CD1A: variants seen among roughly 807,000 people sequenced by gnomAD.
CD1A encodes the protein T-cell surface glycoprotein CD1a.
CD1A carries 50 observed loss-of-function variants against 38.3 expected under a neutral mutation model. The observed-to-expected ratio is 1.30, with a 90% CI of 1.04 to 1.65. CD1A has a LOEUF of 1.65. CD1A is among the 40% of genes most tolerant of loss of function. The pLI, the probability that CD1A is intolerant of heterozygous loss-of-function variation, is 0.00. For missense variants in CD1A, 459 were observed against 406.1 expected (o/e 1.13, Z -1.12); for synonymous variants, 160 against 150.8 (o/e 1.06, Z -0.45).
At chr1:158,248,370 G>C in the CD1A span, 1 of 985,174 alleles carries the variant, frequency 1.0e-6, no homozygotes, top group East Asian at 1.1e-4. Flanking sequence ...CAATGGGGAA[G>C]GAAGAATTTA....
chr1:158,252,668 A>AG (rs150838405), upstream of CD1A, among the ~76,000 whole-genome samples: 21,623 of 152,078 alleles, frequency 0.14, 1,672 homozygotes, highest in African/African-American at 0.19. Context: ...GCACTTTGGG[A>AG]GGCTGAGGCA....
At position 158,257,489 on chromosome 1, in the gene CD1A, G is replaced by A. The variant is rs1650300698; in HGVS notation, c.952G>A (p.Ala318Thr). ...IVPLLLLIGL[A>T]LWFRKRCFC ...GCCTTTACTTCTTCTGATAGGTCTT[G>A]CGCTTTGGTTCAGGAAACGCTGGTG... Residue 318 changes from alanine (A) to threonine (T), a missense_variant, in exon 5 of 6, where the codon GCG becomes ACG. By Grantham distance (58) the Ala-to-Thr change is moderately conservative. Coordinates refer to ENST00000289429, the MANE Select transcript of CD1A (RefSeq NM_001763.3). 1 of 1,613,928 alleles carries A rather than the reference G, an allele frequency of 6.2e-7. No homozygotes were observed. Among genetic ancestry groups the A allele is most frequent in the East Asian group, 2.2e-5 (1 of 44,870 alleles).
upstream of CD1A, among the ~76,000 whole-genome samples, chr1:158,253,409 A>T (rs1371166199): frequency 6.6e-6 from 1 of 152,190 alleles, no homozygotes; most frequent in African/African-American, 2.4e-5. Flanking sequence ...AAGTAATAGG[A>T]CATTTATAGC....
chr1:158,252,888 ACT>A, upstream of CD1A, among the ~76,000 whole-genome samples: 1 of 151,784 alleles, frequency 6.6e-6, no homozygotes, highest in African/African-American at 2.4e-5. Flanking sequence ...ACAGAGTGAG[ACT>A]CTGTCTCAAA....
upstream of CD1A, among the ~76,000 whole-genome samples, chr1:158,253,914 A>C (rs1650149553): frequency 6.6e-6 from 1 of 151,912 alleles, no homozygotes. Context: ...CATATTCTTA[A>C]GTGTACCAAG....
chr1:158,248,650 C>T, the CD1A span, among the ~76,000 whole-genome samples: 1 of 151,882 alleles, frequency 6.6e-6, no homozygotes, highest in Non-Finnish European at 1.5e-5. Flanking sequence ...ATAGCCATCC[C>T]CTTCTCTCTT....
chr1:158,255,299 A>G lies in CD1A; in HGVS notation c.274A>G (p.Ile92Val). Reference sequence around the variant, plus strand: ...GGAAACATTATTCCGTATACGCACCATTCGGTCATTTGAGGGAATTCGTAG... The same window carrying G: ...GGAAACATTATTCCGTATACGCACCGTTCGGTCATTTGAGGGAATTCGTAG... ...ELETLFRIRT[I>V]RSFEGIRRYA... is the part of the protein sequence containing the mutation. Residue 92 changes from isoleucine (I) to valine (V), a missense_variant, in exon 2 of 6, where the codon ATT (isoleucine) becomes GTT (valine). Ile to Val is a conservative substitution (Grantham distance 29). Transcript: ENST00000289429. 6.2e-7 allele frequency: 1 copy of G among 1,614,144 alleles called. No individual in the cohort carries two copies. The highest frequency in any genetic ancestry group is 8.5e-7 in the Non-Finnish European group (1 of 1,180,002).
chr1:158,254,687 T>A lies in CD1A; in HGVS notation c.18T>A (p.Leu6=), dbSNP rs937024194. The change falls in exon 1 of 6, where the codon CTT becomes CTA. Residue 6 remains leucine (L), a synonymous_variant. Transcript: ENST00000289429. ...CAAATGATATGCTGTTTTTGCTACT[T>A]CCATTGTTAGCTGTTCTCCCAGGTG... MLFLL[L]PLLAVLPGDG... 1.2e-6 allele frequency: 2 copies of A among 1,613,964 alleles called. No homozygotes were observed. Among genetic ancestry groups the A allele is most frequent in the African/African-American group, 2.7e-5 (2 of 74,900 alleles).
At chr1:158,255,932 T>A (rs1472425777) in intron 2 of CD1A, 72 bp from the exon 3 acceptor site, 16 of 1,449,166 alleles carry the variant, frequency 1.1e-5, no homozygotes, top group Non-Finnish European at 1.3e-5. Flanking sequence ...CCCTTCTGCT[T>A]CTATAATCTT....
In CD1A at chr1:158,256,809, C is replaced by T; in HGVS notation, c.628C>T (p.His210Tyr). The T allele has an allele frequency of 6.2e-7, 1 of 1,614,178 alleles. No homozygotes were observed. Among genetic ancestry groups the T allele is most frequent in the Non-Finnish European group, 8.5e-7 (1 of 1,180,020 alleles). ...AGTGAAGCCCGAGGCCTGGCTGTCC[C>T]ATGGCCCCAGTCCTGGCCCTGGCCA... is the stretch of plus-strand genomic sequence containing the variant. ...RQVKPEAWLS[H>Y]GPSPGPGHLQ... is the part of the protein sequence containing the mutation. Residue 210 changes from histidine to tyrosine, a missense_variant, in exon 4 of 6, where the codon CAT becomes TAT. Transcript: ENST00000289429.
In CD1A at chr1:158,254,655, A is replaced by G. The variant is rs1205325942; in HGVS notation, c.-15A>G. On this transcript the variant is annotated 5_prime_UTR_variant, in exon 1 of 6. Coordinates refer to ENST00000289429, the MANE Select transcript of CD1A (RefSeq NM_001763.3). ...CCAATTTTTCTGAGAGAAGGAAATA[A>G]CATCTGCAAATGATATGCTGTTTTT... The G allele has an allele frequency of 8.1e-6, 13 of 1,614,020 alleles. No individual in the cohort carries two copies. In the Admixed American group the frequency reaches 2.2e-4, roughly 27 times the overall value.
In CD1A at chr1:158,255,064, T is replaced by C. The variant is rs1650201419; in HGVS notation, c.59-20T>C. ...TTTCTCAATGTCTTTCTCCCCATTC[T>C]ATCTGTTCTTTTGTCGCAGGGCTCA... On this transcript the variant is annotated intron_variant, in intron 1 of 5. Coordinates refer to ENST00000289429, the MANE Select transcript of CD1A (RefSeq NM_001763.3). 1 of 1,611,516 alleles carries C rather than the reference T, an allele frequency of 6.2e-7. No homozygotes were observed. The highest frequency in any genetic ancestry group is 1.3e-5 in the African/African-American group (1 of 74,784).
upstream of CD1A, among the ~76,000 whole-genome samples, chr1:158,251,164 G>A (rs1401984923): frequency 6.6e-6 from 1 of 152,204 alleles, no homozygotes; most frequent in Non-Finnish European, 1.5e-5. Flanking sequence ...AATCAGAAGG[G>A]AGAGAAAATA....
At chr1:158,256,390 T>G in intron 3 of CD1A, 108 bp downstream of exon 3, 1 of 1,084,050 alleles carries the variant, frequency 9.2e-7, no homozygotes, top group East Asian at 2.4e-5. Flanking sequence ...TGGGAAAGGC[T>G]GGGTGCAGTG....
At chr1:158,257,332 A>C in intron 4 of CD1A, 89 bp from the exon 5 acceptor site, 1 of 1,081,256 alleles carries the variant, frequency 9.2e-7, no homozygotes, top group South Asian at 1.4e-5. Context: ...AAATGAAAAA[A>C]AGAAGCCCAG....
At chr1:158,257,359 G>C (rs1288674591) in intron 4 of CD1A, 62 bp from the exon 5 acceptor site, 1 of 1,225,694 alleles carries the variant, frequency 8.2e-7, no homozygotes, top group African/African-American at 1.5e-5. Context: ...CAGTGAAATA[G>C]GGAGTGGATG....
upstream of CD1A, chr1:158,254,256 G>A (rs1650166884): frequency 3.7e-6 from 4 of 1,082,960 alleles, no homozygotes; most frequent in Non-Finnish European, 4.5e-6. Flanking sequence ...GAAAAGGACA[G>A]AGTGATCAAA....
At chr1:158,257,555 C>G in intron 5 of CD1A, 44 bp downstream of exon 5, 3 of 1,578,384 alleles carry the variant, frequency 1.9e-6, no homozygotes, top group Non-Finnish European at 1.7e-6. Context: ...GCCTCTACCC[C>G]ACTTTTCTTC....
rs1650320268 is a variant in CD1A, at chr1:158,258,019, C to T, written c.*329C>T. 2 of 247,594 alleles carry T rather than the reference C, an allele frequency of 8.1e-6. No homozygotes were observed. Among genetic ancestry groups the T allele is most frequent in the South Asian group, 8.6e-5 (1 of 11,668 alleles). The allele number at this position is 247,594 out of a possible 1,614,324, so 15.3% of individuals were successfully genotyped here. On this transcript the variant is annotated 3_prime_UTR_variant, in exon 6 of 6. Transcript: ENST00000289429. ...TTTAGATATCCCTTACTCCAGAGGGCCTTCCCTGACTTACAAGTGGGAAGC... is the reference window on the plus strand; with the variant it reads ...TTTAGATATCCCTTACTCCAGAGGGTCTTCCCTGACTTACAAGTGGGAAGC...
Sources: gnomAD v4.1 joint callset for allele counts (sites outside exome capture counted in the v4.1 genomes callset) on GRCh38, gnomAD v4.1.1 for gene constraint, MANE v1.5 for transcripts, NCBI Gene and HGNC (gene_info 2026-07-23, HGNC 2026-07-21) for gene names.